Variants in SMARCC1 observed in about 807,000 individuals in gnomAD.
The protein encoded by SMARCC1 is SWI/SNF complex subunit SMARCC1.
In SMARCC1, 43 loss-of-function variants were observed where a neutral mutation model predicts 147.4. That is an observed-to-expected ratio of 0.29 (90% CI 0.23 to 0.38). SMARCC1 has a LOEUF of 0.38. SMARCC1 is among the 10% of genes least tolerant of loss of function. SMARCC1 has a pLI of 1.00. For missense variants in SMARCC1, 1,119 were observed against 1,381.1 expected (o/e 0.81, Z 3.01); for synonymous variants, 495 against 484.4 (o/e 1.02, Z -0.29).
intron 10 of SMARCC1, among the ~76,000 whole-genome samples, chr3:47,703,728 T>G (rs1265154238): frequency 6.6e-6 from 1 of 152,210 alleles, no homozygotes; most frequent in African/African-American, 2.4e-5. Flanking sequence ...CTTTGAGGGA[T>G]GACATATTGG....
intron 1 of SMARCC1, among the ~76,000 whole-genome samples, chr3:47,774,292 C>T (rs1406361764): frequency 2.0e-5 from 3 of 147,980 alleles, no homozygotes; most frequent in South Asian, 2.1e-4. Context: ...CCTGAAATGA[C>T]GAAACCCCGT....
At chr3:47,671,173 C>CAAAAAAAAAAAAAAAAAAAA (rs775759680) in intron 18 of SMARCC1, among the ~76,000 whole-genome samples, 3 of 29,240 alleles carry the variant, frequency 1.0e-4, no homozygotes, top group Admixed American at 5.1e-4. Context: ...GAGACTATCT[C>CAAAAAAAAAAAAAAAAAAAA]AAAAAAAAAA....
At chr3:47,748,672 G>A (rs964618714) in intron 2 of SMARCC1, among the ~76,000 whole-genome samples, 7 of 152,144 alleles carry the variant, frequency 4.6e-5, no homozygotes, top group African/African-American at 1.4e-4. Context: ...TCCACATTAT[G>A]AAGGTAAAAA....
chr3:47,665,847 ACT>A (rs1055954654), intron 19 of SMARCC1, among the ~76,000 whole-genome samples: 2 of 143,678 alleles, frequency 1.4e-5, no homozygotes, highest in Non-Finnish European at 3.0e-5. Context: ...ACACTCACTC[ACT>A]CTCTTTTTTT....
At chr3:47,713,871 C>T (rs548026679) in intron 8 of SMARCC1, among the ~76,000 whole-genome samples, 1 of 152,322 alleles carries the variant, frequency 6.6e-6, no homozygotes, top group African/African-American at 2.4e-5. Context: ...ACTCCTCTCT[C>T]ACAAACCACA....
Position 47,670,653 on chromosome 3 carries a change from CT to C in SMARCC1, c.1899+4del. ...CACACATCCCATATGCATTAATCTGCTTACCTCCAGGAGTAGAAGGGTCTCC... is the reference window on the plus strand; with the variant it reads ...CACACATCCCATATGCATTAATCTGCTACCTCCAGGAGTAGAAGGGTCTCC... On this transcript the variant is annotated splice_donor_region_variant and intron_variant, in intron 19 of 27. Transcript: ENST00000254480. The C allele has an allele frequency of 6.5e-7, 1 of 1,529,854 alleles. No homozygotes were observed. The highest frequency in any genetic ancestry group is 9.1e-7 in the Non-Finnish European group (1 of 1,102,834). The allele number at this position is 1,529,854 out of a possible 1,614,324, so 94.8% of individuals were successfully genotyped here. A position where few individuals can be genotyped will look rare whatever the true frequency, so the allele number is the denominator to read the frequency against.
At chr3:47,640,693 G>C (rs1050580094) in intron 21 of SMARCC1, among the ~76,000 whole-genome samples, 1 of 152,008 alleles carries the variant, frequency 6.6e-6, no homozygotes, top group African/African-American at 2.4e-5. Context: ...ATTTCCTAGA[G>C]AATAGAAAAA....
At chr3:47,744,588 C>T (rs571195301) in intron 3 of SMARCC1, among the ~76,000 whole-genome samples, 36 of 152,196 alleles carry the variant, frequency 2.4e-4, no homozygotes, top group Middle Eastern at 3.4e-3. Flanking sequence ...ATATAAATTA[C>T]ATGTGTATTC....
intron 18 of SMARCC1, among the ~76,000 whole-genome samples, chr3:47,673,531 A>C (rs2033531448): frequency 6.6e-6 from 1 of 151,900 alleles, no homozygotes; most frequent in African/African-American, 2.4e-5. Flanking sequence ...TCTACTAAAA[A>C]TACAAAAATT....
At chr3:47,668,841 C>A (rs1466904904) in intron 19 of SMARCC1, among the ~76,000 whole-genome samples, 3 of 150,176 alleles carry the variant, frequency 2.0e-5, no homozygotes, top group Non-Finnish European at 2.9e-5. Context: ...ACTGAGACTG[C>A]GCTACTGCAC....
intron 14 of SMARCC1, among the ~76,000 whole-genome samples, chr3:47,684,077 A>G (rs1185611137): frequency 6.6e-6 from 1 of 152,020 alleles, no homozygotes; most frequent in Non-Finnish European, 1.5e-5. Flanking sequence ...CGTCTCTACT[A>G]AAAATACAAA....
chr3:47,746,916 G>C (rs984859067), intron 2 of SMARCC1, among the ~76,000 whole-genome samples: 6 of 151,828 alleles, frequency 4.0e-5, no homozygotes, highest in Admixed American at 6.6e-5. Context: ...TTTTAGTAGA[G>C]ACAGGGTTTC....
intron 6 of SMARCC1, among the ~76,000 whole-genome samples, chr3:47,725,426 T>C (rs899288925): frequency 6.6e-6 from 1 of 152,004 alleles, no homozygotes; most frequent in Non-Finnish European, 1.5e-5. Context: ...TAAAAAATTT[T>C]CAATTGTGCA....
intron 26 of SMARCC1, among the ~76,000 whole-genome samples, chr3:47,608,053 T>C (rs1030061055): frequency 1.3e-5 from 2 of 152,174 alleles, no homozygotes; most frequent in Non-Finnish European, 2.9e-5. Context: ...AGGGAAAATA[T>C]GAAGCATTTA....
intron 18 of SMARCC1, among the ~76,000 whole-genome samples, chr3:47,675,202 ATAAT>A: frequency 6.6e-6 from 1 of 152,192 alleles, no homozygotes; most frequent in East Asian, 1.9e-4. Flanking sequence ...AACCTATCAA[ATAAT>A]TTCAAGTATA....
At position 47,781,501 on chromosome 3, in the gene SMARCC1, G is replaced by C. The variant is rs2035047871; in HGVS notation, c.195+102C>G. Reference sequence around the variant, plus strand: ...CCGGCGCCTGCCTTTGTTGTCCCTCGTGGCGTGCGGGGGGGAGGGGCGGCC... The same window carrying C: ...CCGGCGCCTGCCTTTGTTGTCCCTCCTGGCGTGCGGGGGGGAGGGGCGGCC... On this transcript the variant is annotated intron_variant, in intron 1 of 27. Coordinates refer to ENST00000254480, the MANE Select transcript of SMARCC1 (RefSeq NM_003074.4). 3 of 800,956 alleles carry C rather than the reference G, an allele frequency of 3.7e-6. No individual in the cohort carries two copies. In the South Asian group the frequency reaches 9.9e-5, roughly 27 times the overall value. 49.6% of individuals were successfully genotyped at this position (800,956 alleles called of 1,614,324 possible). A position where few individuals can be genotyped will look rare whatever the true frequency, so the allele number is the denominator to read the frequency against.
intron 25 of SMARCC1, among the ~76,000 whole-genome samples, chr3:47,615,675 TTTCTTTTC>T (rs1316589830): frequency 1.3e-5 from 2 of 150,830 alleles, no homozygotes; most frequent in Non-Finnish European, 2.9e-5. Context: ...ACACAATTTC[TTTCTTTTC>T]TTTTCTTTTC....
intron 5 of SMARCC1, among the ~76,000 whole-genome samples, chr3:47,732,977 G>A (rs990837564): frequency 2.0e-5 from 3 of 151,838 alleles, no homozygotes; most frequent in Admixed American, 6.6e-5. Flanking sequence ...ATGTGGTGGC[G>A]GGTGCCTGTA....
At chr3:47,733,987 A>T (rs2034410206) in intron 5 of SMARCC1, among the ~76,000 whole-genome samples, 1 of 151,336 alleles carries the variant, frequency 6.6e-6, no homozygotes, top group Non-Finnish European at 1.5e-5. Flanking sequence ...GTATATATAT[A>T]CATATGTATG....
Sources: gnomAD v4.1 joint callset for allele counts (sites outside exome capture counted in the v4.1 genomes callset) on GRCh38, gnomAD v4.1.1 for gene constraint, MANE v1.5 for transcripts, NCBI Gene and HGNC (gene_info 2026-07-23, HGNC 2026-07-21) for gene names.